The following DGKH variants were observed in gnomAD, a reference collection of about 807,000 sequenced individuals.
DGKH encodes the protein DAG kinase eta.
In DGKH, 90 loss-of-function variants were observed where a neutral mutation model predicts 159.3. The observed-to-expected ratio is 0.57, with a 90% CI of 0.48 to 0.67. DGKH has a LOEUF of 0.67. DGKH is among the 30% of genes least tolerant of loss of function. DGKH has a pLI of 0.00. For synonymous variants in DGKH, 536 were observed against 553.8 expected, an observed-to-expected ratio of 0.97 and a Z score of 0.45; for missense variants, 1,181 against 1,506.1, an observed-to-expected ratio of 0.78 and a Z score of 3.57.
At chr13:42,115,764 C>G (rs540888207) in intron 1 of DGKH, among the ~76,000 whole-genome samples, 1 of 152,092 alleles carries the variant, frequency 6.6e-6, no homozygotes, top group Non-Finnish European at 1.5e-5. Context: ...TGGAATTATG[C>G]GGGTGATGGG....
chr13:42,105,627 A>T (rs753907790), intron 1 of DGKH, among the ~76,000 whole-genome samples: 1 of 152,166 alleles, frequency 6.6e-6, no homozygotes, highest in Non-Finnish European at 1.5e-5. Flanking sequence ...TTGTCATAGG[A>T]TGTTGTCCTA....
chr13:42,203,142 G>A (rs1957386903), intron 20 of DGKH, among the ~76,000 whole-genome samples: 2 of 152,058 alleles, frequency 1.3e-5, no homozygotes, highest in African/African-American at 2.4e-5. Flanking sequence ...TTCTGTATTT[G>A]TTTAATTCAT....
chr13:42,244,217 C>T (rs1185642351), downstream of DGKH, among the ~76,000 whole-genome samples: 2 of 152,138 alleles, frequency 1.3e-5, no homozygotes, highest in African/African-American at 2.4e-5. Context: ...GAGTCATTGC[C>T]ATATGGGCTG....
At chr13:42,121,172 A>G (rs528645893) in intron 1 of DGKH, among the ~76,000 whole-genome samples, 1 of 152,232 alleles carries the variant, frequency 6.6e-6, no homozygotes, top group Non-Finnish European at 1.5e-5. Context: ...CAATTTTCTG[A>G]TATGAAAGCA....
At chr13:42,250,220 C>T (rs537552884) in intron 29 of DGKH, among the ~76,000 whole-genome samples, 194 of 151,754 alleles carry the variant, frequency 1.3e-3, no homozygotes, top group African/African-American at 4.3e-3. Flanking sequence ...CCACCCGCCT[C>T]GGCCTCCCAA....
intron 1 of DGKH, among the ~76,000 whole-genome samples, chr13:42,074,656 A>G (rs1258502606): frequency 7.1e-5 from 10 of 141,802 alleles, no homozygotes; most frequent in East Asian, 1.9e-4. Flanking sequence ...CCGTCCATCC[A>G]TCCATCCATC....
At chr13:42,093,274 G>A (rs1315932221) in intron 1 of DGKH, among the ~76,000 whole-genome samples, 2 of 151,332 alleles carry the variant, frequency 1.3e-5, no homozygotes, top group Non-Finnish European at 2.9e-5. Flanking sequence ...CTCAACATCA[G>A]TAATCATTTG....
intron 3 of DGKH, among the ~76,000 whole-genome samples, chr13:42,153,108 G>T (rs1468814960): frequency 6.6e-6 from 1 of 152,118 alleles, no homozygotes; most frequent in African/African-American, 2.4e-5. Context: ...GCTCATTACT[G>T]TTCACTTTAA....
chr13:42,130,480 C>T (rs1484171442), intron 3 of DGKH, among the ~76,000 whole-genome samples: 4 of 152,170 alleles, frequency 2.6e-5, no homozygotes, highest in South Asian at 2.1e-4. Context: ...ATATTCCTGA[C>T]GTCGTTCAGC....
At chr13:42,123,768 C>T (rs890948687) in intron 1 of DGKH, among the ~76,000 whole-genome samples, 7 of 152,198 alleles carry the variant, frequency 4.6e-5, no homozygotes, top group African/African-American at 1.7e-4. Context: ...GGGAAACGCA[C>T]ATTAAAACCA....
At position 42,048,919 on chromosome 13, in the gene DGKH, A is replaced by G; in HGVS notation, c.146A>G (p.Gln49Arg). The change falls in exon 1 of 30, where the codon CAG (glutamine) becomes CGG (arginine). Residue 49 changes from glutamine (Q) to arginine (R), a missense_variant. Around this residue, in one of 5 missense-constraint regions of DGKH, gnomAD observed 136 missense variants for 132.2 expected, o/e 1.03. Coordinates refer to ENST00000337343, the MANE Select transcript of DGKH (RefSeq NM_178009.5). This position sits in a 1 kb window ranked among gnomAD's most constrained non-coding sequence, Gnocchi z 6.7. ...SDSEAEQEGP[Q>R]KLIRKVSTSG... ...AGCGAAGCGGAGCAAGAGGGACCCCAGAAACTGATCCGCAAAGTGTCTACC... is the reference window on the plus strand; with the variant it reads ...AGCGAAGCGGAGCAAGAGGGACCCCGGAAACTGATCCGCAAAGTGTCTACC... 6 of 1,337,876 alleles carry G rather than the reference A, an allele frequency of 4.5e-6. No homozygotes were observed. Among genetic ancestry groups the G allele is most frequent in the Non-Finnish European group, 5.8e-6 (6 of 1,036,768 alleles). The allele number at this position is 1,337,876 out of a possible 1,614,324, so 82.9% of individuals were successfully genotyped here. A position where few individuals can be genotyped will look rare whatever the true frequency, so the allele number is the denominator to read the frequency against.
In DGKH at chr13:42,110,523, A is replaced by G. The variant is rs76986265; in HGVS notation, c.193-16940A>G. 7.1e-3 allele frequency among the ~76,000 whole-genome samples: 1,075 copies of G among 152,302 alleles called. 10 individuals carry two copies. Among genetic ancestry groups the G allele is most frequent in the African/African-American group, 0.025 (1,028 of 41,556 alleles). On this transcript the variant is annotated intron_variant, in intron 1 of 29. Transcript: ENST00000337343. Reference sequence around the variant, plus strand: ...CAAAATGTCATGTGTGGGCAAAGGGATTATTCTTGGATGTGAGTAGGGGCA... The same window carrying G: ...CAAAATGTCATGTGTGGGCAAAGGGGTTATTCTTGGATGTGAGTAGGGGCA...
intron 30 of DGKH, among the ~76,000 whole-genome samples, chr13:42,255,069 C>T (rs238323): frequency 0.34 from 51,946 of 150,588 alleles, 9,482 homozygotes; most frequent in Non-Finnish European, 0.41. Flanking sequence ...TTTCTTTTAG[C>T]TTTTTTACTG....
intron 17 of DGKH, among the ~76,000 whole-genome samples, chr13:42,197,437 A>C (rs1239023132): frequency 2.0e-5 from 3 of 152,116 alleles, no homozygotes; most frequent in Admixed American, 2.0e-4. Flanking sequence ...CAAAACTATG[A>C]CATTAAACGA....
intron 1 of DGKH, among the ~76,000 whole-genome samples, chr13:42,119,148 A>C (rs1955019864): frequency 6.6e-6 from 1 of 152,220 alleles, no homozygotes; most frequent in African/African-American, 2.4e-5. Flanking sequence ...GATGCAGCTC[A>C]TCATATAACT....
intron 3 of DGKH, among the ~76,000 whole-genome samples, chr13:42,153,264 T>G (rs938276351): frequency 3.3e-5 from 5 of 152,244 alleles, no homozygotes; most frequent in African/African-American, 1.2e-4. Context: ...TTAGAAGCTA[T>G]TCTTTATCCT....
chr13:42,115,652 C>T (rs1954952016), intron 1 of DGKH, among the ~76,000 whole-genome samples: 1 of 152,134 alleles, frequency 6.6e-6, no homozygotes. Flanking sequence ...TTCTCTTTTA[C>T]TTTACTATTA....
chr13:42,192,658 T>C (rs1957110972), intron 16 of DGKH, among the ~76,000 whole-genome samples: 1 of 151,906 alleles, frequency 6.6e-6, no homozygotes, highest in Non-Finnish European at 1.5e-5. Context: ...TTCTTCTTTC[T>C]TCTTCTTGTT....
rs866688959 is a variant in DGKH at position 42,199,857 on chromosome 13, G to C, written c.2441G>C (p.Arg814Pro). The C allele has an allele frequency of 6.2e-7, 1 of 1,612,522 alleles. No individual in the cohort carries two copies. Reference sequence around the variant, plus strand: ...ATGTGGTATGGAGTCCTTGGAACCCGGGAGTTATTACAGAGATCGTACAAG... The same window carrying C: ...ATGTGGTATGGAGTCCTTGGAACCCCGGAGTTATTACAGAGATCGTACAAG... ...NLMWYGVLGT[R>P]ELLQRSYKNL... Residue 814 changes from arginine to proline, a missense_variant, in exon 20 of 30, where the codon CGG (arginine) becomes CCG (proline). Transcript: ENST00000337343.
Sources: allele counts gnomAD v4.1 joint callset (sites outside exome capture counted in the v4.1 genomes callset), GRCh38; gene constraint gnomAD v4.1.1; regional missense constraint gnomAD v4.1.1; non-coding constraint Gnocchi (gnomAD v3.1); transcripts MANE v1.5; gene names NCBI Gene and HGNC (gene_info 2026-07-23, HGNC 2026-07-21).